FHIT: variants seen among roughly 807,000 people sequenced by gnomAD.
FHIT encodes the protein bis(5'-adenosyl)-triphosphatase.
Under a neutral mutation model 17.9 loss-of-function variants are expected in FHIT, and 19 were observed. That is an observed-to-expected ratio of 1.06 (90% CI 0.74 to 1.56). FHIT has a LOEUF of 1.56. Ranked by LOEUF, FHIT falls within the 40% of genes most tolerant of loss-of-function variation. FHIT has a pLI of 0.00. For missense variants in FHIT, 248 were observed against 189.2 expected (o/e 1.31, Z -1.82); for synonymous variants, 81 against 69.7 (o/e 1.16, Z -0.81).
intron 7 of FHIT, among the ~76,000 whole-genome samples, chr3:60,003,615 C>T (rs55659096): frequency 3.7e-4 from 57 of 152,134 alleles, no homozygotes; most frequent in African/African-American, 1.2e-3. Flanking sequence ...CATGGTGGCT[C>T]GGGCCTGTAG....
chr3:60,147,506 A>C (rs182766007), intron 5 of FHIT, among the ~76,000 whole-genome samples: 3 of 152,252 alleles, frequency 2.0e-5, no homozygotes, highest in Non-Finnish European at 1.5e-5. Flanking sequence ...CATAATACAG[A>C]GGTGAAAGTT....
intron 7 of FHIT, among the ~76,000 whole-genome samples, chr3:60,011,120 A>C (rs1700118820): frequency 6.6e-6 from 1 of 152,056 alleles, no homozygotes; most frequent in Non-Finnish European, 1.5e-5. Flanking sequence ...GGACTCCTTG[A>C]TTTAGTTTCT....
chr3:60,329,780 C>G (rs1163334433), intron 5 of FHIT, among the ~76,000 whole-genome samples: 1 of 152,152 alleles, frequency 6.6e-6, no homozygotes, highest in Non-Finnish European at 1.5e-5. Flanking sequence ...CCTGTGAGAC[C>G]CTCTGCCCCT....
At chr3:60,456,680 T>A (rs935839479) in intron 5 of FHIT, among the ~76,000 whole-genome samples, 8 of 152,182 alleles carry the variant, frequency 5.3e-5, no homozygotes, top group African/African-American at 1.9e-4. Context: ...AGAGGCTTCT[T>A]TTTTACTGAT....
intron 5 of FHIT, among the ~76,000 whole-genome samples, chr3:60,237,664 A>C (rs1490770900): frequency 2.6e-5 from 4 of 152,184 alleles, no homozygotes; most frequent in Non-Finnish European, 5.9e-5. Flanking sequence ...CCAAATTAAG[A>C]AACTGCCCCA....
chr3:61,058,304 T>G (rs556703940), intron 2 of FHIT, among the ~76,000 whole-genome samples: 2 of 152,366 alleles, frequency 1.3e-5, no homozygotes, highest in East Asian at 3.9e-4. Context: ...CCATGATAGT[T>G]TCCAATAATT....
At chr3:60,271,626 T>C (rs1013422643) in intron 5 of FHIT, among the ~76,000 whole-genome samples, 1 of 152,188 alleles carries the variant, frequency 6.6e-6, no homozygotes, top group Non-Finnish European at 1.5e-5. Flanking sequence ...ACGGAAAGTA[T>C]AGAGGTCAAT....
At chr3:60,935,894 C>A (rs1034046186) in intron 3 of FHIT, among the ~76,000 whole-genome samples, 2 of 152,214 alleles carry the variant, frequency 1.3e-5, no homozygotes, top group East Asian at 3.8e-4. Flanking sequence ...CTGACAGCTT[C>A]CTGAGGACAG....
intron 4 of FHIT, among the ~76,000 whole-genome samples, chr3:60,583,621 A>G (rs950939804): frequency 1.3e-5 from 2 of 152,050 alleles, no homozygotes; most frequent in Non-Finnish European, 2.9e-5. Context: ...TTTTTCAACC[A>G]TTCAAAAATG....
chr3:61,160,689 G>C (rs769154513), intron 2 of FHIT, among the ~76,000 whole-genome samples: 17 of 152,166 alleles, frequency 1.1e-4, no homozygotes, highest in Non-Finnish European at 2.5e-4. Context: ...TTACACTGTG[G>C]CTTTAAATTG....
chr3:60,438,422 C>T (rs2030476268), intron 5 of FHIT, among the ~76,000 whole-genome samples: 1 of 151,876 alleles, frequency 6.6e-6, no homozygotes, highest in African/African-American at 2.4e-5. Context: ...CCCCAAAACT[C>T]CCTATTGCCA....
chr3:59,787,525 C>T (rs1699362093), intron 8 of FHIT, among the ~76,000 whole-genome samples: 1 of 131,712 alleles, frequency 7.6e-6, no homozygotes, highest in African/African-American at 2.9e-5. Context: ...CACACACACA[C>T]ACACGTCAAA....
chr3:60,308,260 C>T (rs146788957), intron 5 of FHIT, among the ~76,000 whole-genome samples: 46 of 152,214 alleles, frequency 3.0e-4, no homozygotes, highest in African/African-American at 1.0e-3. Context: ...GACAGTATTA[C>T]TTGCCTTACA....
intron 2 of FHIT, among the ~76,000 whole-genome samples, chr3:61,120,229 T>G (rs1403640679): frequency 6.6e-6 from 1 of 152,192 alleles, no homozygotes; most frequent in African/African-American, 2.4e-5. Flanking sequence ...AGGACTATGA[T>G]AAGGATTATA....
chr3:60,375,850 C>T (rs1241740050), intron 5 of FHIT, among the ~76,000 whole-genome samples: 2 of 152,080 alleles, frequency 1.3e-5, no homozygotes, highest in African/African-American at 2.4e-5. Flanking sequence ...GAGCTCTCTA[C>T]AACGATAAAA....
intron 2 of FHIT, among the ~76,000 whole-genome samples, chr3:61,112,262 ATT>A (rs11297153): frequency 0.046 from 6,728 of 145,660 alleles, 269 homozygotes; most frequent in African/African-American, 0.11. Flanking sequence ...CACTGCCTTA[ATT>A]TTTTTTTTTT....
At chr3:60,465,715 T>C (rs1189017281) in intron 5 of FHIT, among the ~76,000 whole-genome samples, 6 of 152,176 alleles carry the variant, frequency 3.9e-5, no homozygotes, top group South Asian at 4.1e-4. Flanking sequence ...TATGGATTTA[T>C]TTCTGGGTCC....
At chr3:61,043,353 C>A (rs895538231) in intron 2 of FHIT, among the ~76,000 whole-genome samples, 1 of 152,080 alleles carries the variant, frequency 6.6e-6, no homozygotes, top group Non-Finnish European at 1.5e-5. Context: ...GAGGGTCCCA[C>A]GCCCACGGAG....
chr3:60,814,758 T>C (rs2106733592), intron 4 of FHIT, among the ~76,000 whole-genome samples: 1 of 152,248 alleles, frequency 6.6e-6, no homozygotes, highest in South Asian at 2.1e-4. Flanking sequence ...GGTAGTTCTG[T>C]TTTAAGTTCT....
Sources: gnomAD v4.1 joint callset for allele counts (sites outside exome capture counted in the v4.1 genomes callset) on GRCh38, gnomAD v4.1.1 for gene constraint, MANE v1.5 for transcripts, NCBI Gene and HGNC (gene_info 2026-07-23, HGNC 2026-07-21) for gene names.